FAM135B: variants seen among roughly 807,000 people sequenced by gnomAD.
The protein encoded by FAM135B is protein FAM135B.
FAM135B carries 43 observed loss-of-function variants against 127.7 expected under a neutral mutation model. That is an observed-to-expected ratio of 0.34 (90% confidence interval 0.26 to 0.43). The LOEUF (loss-of-function observed/expected upper bound fraction) is 0.43. Among genes scored for constraint, FAM135B ranks in the 20% least tolerant of loss-of-function variants. The pLI is 1.00. For synonymous variants in FAM135B, 670 were observed against 665.1 expected (o/e 1.01, Z -0.11); for missense variants, 1,558 against 1,725.6 (o/e 0.90, Z 1.72).
intron 1 of FAM135B, among the ~76,000 whole-genome samples, chr8:138,468,577 C>G (rs13249380): frequency 6.6e-6 from 1 of 151,926 alleles, no homozygotes; most frequent in Non-Finnish European, 1.5e-5. Flanking sequence ...ATTAAATACC[C>G]GGCACCTCAT....
At chr8:138,471,453 A>G (rs1385391529) in intron 1 of FAM135B, among the ~76,000 whole-genome samples, 1 of 152,200 alleles carries the variant, frequency 6.6e-6, no homozygotes, top group Non-Finnish European at 1.5e-5. Flanking sequence ...TTAGAAGGAC[A>G]GAGATGGACA....
At chr8:138,368,214 G>A (rs1830885080) in intron 1 of FAM135B, among the ~76,000 whole-genome samples, 1 of 152,172 alleles carries the variant, frequency 6.6e-6, no homozygotes, top group Admixed American at 6.6e-5. Context: ...GGAAGGGCCA[G>A]GAGTTAGACC....
chr8:138,256,803 T>C, intron 4 of FAM135B, 44 bp from the exon 5 acceptor site: 2 of 1,504,174 alleles, frequency 1.3e-6, no homozygotes, highest in East Asian at 2.3e-5. Flanking sequence ...AGTCAAATCT[T>C]GTCCAAATGA....
intron 7 of FAM135B, among the ~76,000 whole-genome samples, chr8:138,209,850 T>G (rs1818003299): frequency 6.6e-6 from 1 of 152,122 alleles, no homozygotes; most frequent in Non-Finnish European, 1.5e-5. Flanking sequence ...AATGTAGAAT[T>G]CCAAAATAGC....
At chr8:138,231,950 C>A (rs1164189022) in intron 7 of FAM135B, among the ~76,000 whole-genome samples, 1 of 152,148 alleles carries the variant, frequency 6.6e-6, no homozygotes, top group Non-Finnish European at 1.5e-5. Flanking sequence ...AAGGGATTCC[C>A]CAAAGGGGAA....
intron 1 of FAM135B, among the ~76,000 whole-genome samples, chr8:138,368,773 C>G (rs2131222191): frequency 6.6e-6 from 1 of 151,916 alleles, no homozygotes; most frequent in East Asian, 1.9e-4. Flanking sequence ...TAAAACAGTC[C>G]AAGTCTAGGA....
At chr8:138,386,275 C>G (rs188892903) in intron 1 of FAM135B, among the ~76,000 whole-genome samples, 1 of 151,908 alleles carries the variant, frequency 6.6e-6, no homozygotes, top group Non-Finnish European at 1.5e-5. Context: ...AAACAACAAC[C>G]TAACCTCACA....
At position 138,178,003 on chromosome 8, in the gene FAM135B, G is replaced by A. The variant is rs192756902; in HGVS notation, c.1029+532C>T. Among the ~76,000 whole-genome samples, 23 of 152,256 alleles carry A rather than the reference G, an allele frequency of 1.5e-4. 1 individual carries two copies. Among genetic ancestry groups the A allele is most frequent in the Admixed American group, 9.2e-4 (14 of 15,294 alleles). On this transcript the variant is annotated intron_variant, in intron 10 of 19. Transcript: ENST00000395297. ...CTCATGCCTGTAATCCCAGCACTCT[G>A]GGAGGCTGAGGCGGGCAGATTGCCT...
intron 7 of FAM135B, among the ~76,000 whole-genome samples, chr8:138,199,278 C>T (rs533635138): frequency 2.0e-5 from 3 of 152,294 alleles, no homozygotes; most frequent in South Asian, 2.1e-4. Flanking sequence ...CAGGGTGCTA[C>T]CAATTTGAAA....
At position 138,243,612 on chromosome 8, in the gene FAM135B, G is replaced by A. The variant is rs1821040148; in HGVS notation, c.543-544C>T. On this transcript the variant is annotated intron_variant, in intron 6 of 19. Coordinates refer to ENST00000395297, the MANE Select transcript of FAM135B (RefSeq NM_015912.4). The surrounding 1 kb of genome is among the most constrained non-coding windows in gnomAD (Gnocchi z 7.5). ...ACGCTAATTGGGAAGACCATAACCT[G>A]CTCAGCTCACAAATGTGCAGTTCCT... Among the ~76,000 whole-genome samples the A allele has an allele frequency of 6.6e-6, 1 of 152,274 alleles. No individual in the cohort carries two copies. Among genetic ancestry groups the A allele is most frequent in the South Asian group, 2.1e-4 (1 of 4,824 alleles).
intron 1 of FAM135B, among the ~76,000 whole-genome samples, chr8:138,478,870 T>C (rs1302656746): frequency 6.6e-6 from 1 of 152,220 alleles, no homozygotes; most frequent in African/African-American, 2.4e-5. Context: ...TGAGCAATTC[T>C]GACACTAACC....
chr8:138,338,471 A>C (rs1278405676), intron 2 of FAM135B, among the ~76,000 whole-genome samples: 1 of 152,046 alleles, frequency 6.6e-6, no homozygotes, highest in Admixed American at 6.5e-5. Flanking sequence ...ACACTTCTCA[A>C]AAGAAGACAT....
intron 1 of FAM135B, among the ~76,000 whole-genome samples, chr8:138,393,048 G>A (rs1317151631): frequency 2.6e-5 from 4 of 152,164 alleles, no homozygotes; most frequent in African/African-American, 4.8e-5. Flanking sequence ...AGCAAGTCAC[G>A]TCTTACATGG....
At chr8:138,227,305 G>A (rs1266274817) in intron 7 of FAM135B, among the ~76,000 whole-genome samples, 1 of 152,198 alleles carries the variant, frequency 6.6e-6, no homozygotes, top group Non-Finnish European at 1.5e-5. Context: ...TTTGGGAGTG[G>A]TGGAGCGAAA....
chr8:138,400,378 G>T (rs765525374), intron 1 of FAM135B, among the ~76,000 whole-genome samples: 2 of 152,172 alleles, frequency 1.3e-5, no homozygotes, highest in Non-Finnish European at 2.9e-5. Flanking sequence ...ATGCAGTGCC[G>T]TGGATCAACA....
At chr8:138,427,166 T>C (rs965506921) in intron 1 of FAM135B, among the ~76,000 whole-genome samples, 4 of 151,782 alleles carry the variant, frequency 2.6e-5, no homozygotes, top group Non-Finnish European at 5.9e-5. Flanking sequence ...GGAGTGATTA[T>C]GTGTAGACAG....
chr8:138,405,207 T>A (rs1833399789), intron 1 of FAM135B, among the ~76,000 whole-genome samples: 1 of 147,556 alleles, frequency 6.8e-6, no homozygotes, highest in Non-Finnish European at 1.5e-5. Flanking sequence ...AATATTCTTT[T>A]TTTTTCTTTT....
intron 1 of FAM135B, among the ~76,000 whole-genome samples, chr8:138,447,328 T>C (rs900120214): frequency 2.0e-5 from 3 of 151,956 alleles, no homozygotes; most frequent in Non-Finnish European, 4.4e-5. Context: ...GGATTATAAA[T>C]CATGCTGCTA....
chr8:138,190,476 C>G (rs1299830997), intron 9 of FAM135B, among the ~76,000 whole-genome samples: 1 of 152,212 alleles, frequency 6.6e-6, no homozygotes, highest in Non-Finnish European at 1.5e-5. Flanking sequence ...ACACAACAGA[C>G]AGCAGGCCCT....
Sources: gnomAD v4.1 joint callset for allele counts (sites outside exome capture counted in the v4.1 genomes callset) on GRCh38, gnomAD v4.1.1 for gene constraint, Gnocchi (gnomAD v3.1) non-coding constraint, MANE v1.5 for transcripts, NCBI Gene and HGNC (gene_info 2026-07-23, HGNC 2026-07-21) for gene names.